Variants in PHLPP2 observed in about 807,000 individuals in gnomAD.
PHLPP2 encodes the protein PH domain leucine-rich repeat-containing protein phosphatase 2.
In PHLPP2, 66 loss-of-function variants were observed where a neutral mutation model predicts 124.9. The ratio of observed to expected loss-of-function variants is 0.53; its 90% confidence interval spans 0.43 to 0.65. The LOEUF is 0.65. Among genes scored for constraint, PHLPP2 ranks in the 30% least tolerant of loss-of-function variants. PHLPP2 has a pLI of 0.00. For missense variants in PHLPP2, 1,685 were observed against 1,600.4 expected (o/e 1.05, Z -0.90); for synonymous variants, 681 against 624.7 (o/e 1.09, Z -1.34).
chr16:71,676,790 G>T, intron 8 of PHLPP2, 141 bp from the exon 9 acceptor site: 1 of 637,020 alleles, frequency 1.6e-6, no homozygotes, highest in South Asian at 1.9e-5. Context: ...ACTGTGTTGC[G>T]CAGGCTGGAG....
intron 5 of PHLPP2, among the ~76,000 whole-genome samples, chr16:71,682,392 A>G (rs971427598): frequency 7.9e-5 from 12 of 152,070 alleles, no homozygotes; most frequent in Non-Finnish European, 1.8e-4. Flanking sequence ...CATGTTGGCC[A>G]GGCTGGTTTC....
At chr16:71,687,438 G>A (rs1015598816) in intron 4 of PHLPP2, among the ~76,000 whole-genome samples, 18 of 152,052 alleles carry the variant, frequency 1.2e-4, no homozygotes, top group Non-Finnish European at 2.6e-4. Context: ...CCTTCTAAGA[G>A]TAAGTTTTAA....
intron 2 of PHLPP2, among the ~76,000 whole-genome samples, chr16:71,703,545 G>T (rs1036972040): frequency 6.6e-6 from 1 of 151,530 alleles, no homozygotes; most frequent in Non-Finnish European, 1.5e-5. Context: ...TGATAGAAGG[G>T]GCTATAATAG....
At chr16:71,669,434 C>A in intron 10 of PHLPP2, 64 bp from the exon 11 acceptor site, 1 of 1,183,872 alleles carries the variant, frequency 8.4e-7, no homozygotes, top group South Asian at 1.2e-5. Context: ...TTTCAGTAGG[C>A]TATAATGTAT....
intron 3 of PHLPP2, chr16:71,698,567 G>C (rs915119341): frequency 3.1e-5 from 20 of 645,332 alleles, no homozygotes; most frequent in Admixed American, 1.8e-4. Context: ...CATCTGAAAG[G>C]CCTGTCTCTA....
At chr16:71,655,065 G>C (rs947821214) in intron 17 of PHLPP2, 175 bp downstream of exon 17, 3 of 551,638 alleles carry the variant, frequency 5.4e-6, no homozygotes, top group African/African-American at 3.7e-5. Flanking sequence ...ACAGGCTTTT[G>C]AAAGAGCCGA....
At chr16:71,662,793 T>C (rs1378472741) in intron 13 of PHLPP2, among the ~76,000 whole-genome samples, 3 of 151,660 alleles carry the variant, frequency 2.0e-5, no homozygotes, top group African/African-American at 7.3e-5. Context: ...GAGGCTGAGG[T>C]AGGAGAATCA....
chr16:71,687,207 T>C (rs1288496975), intron 4 of PHLPP2, among the ~76,000 whole-genome samples: 1 of 152,226 alleles, frequency 6.6e-6, no homozygotes, highest in Non-Finnish European at 1.5e-5. Flanking sequence ...TACCTGTATA[T>C]CTGCTTTGGT....
rs1432310092 is a variant in PHLPP2, at chr16:71,658,724, G to A, written c.2077C>T (p.Leu693=). Residue 693 remains leucine, a synonymous_variant, in exon 14 of 19, where the codon CTG becomes TTG. Transcript: ENST00000568954. ...TTGGAGTGTGCAACAAGGGTGTGCA[G>A]CCTTTTACAGTTTGCTATGGTTGTG... The part of the protein sequence containing the change: ...IPTTIANCKR[L]HTLVAHSNNI... The A allele has an allele frequency of 6.2e-7, 1 of 1,614,024 alleles. No individual in the cohort carries two copies. Among genetic ancestry groups the A allele is most frequent in the Non-Finnish European group, 8.5e-7 (1 of 1,180,010 alleles).
intron 9 of PHLPP2, among the ~76,000 whole-genome samples, chr16:71,675,369 T>A (rs1366164370): frequency 6.6e-6 from 1 of 152,218 alleles, no homozygotes; most frequent in Non-Finnish European, 1.5e-5. Context: ...TAAAGAACTT[T>A]CCATAAAAAG....
intron 3 of PHLPP2, among the ~76,000 whole-genome samples, chr16:71,695,890 G>T (rs1284863186): frequency 7.9e-5 from 12 of 151,926 alleles, no homozygotes; most frequent in Admixed American, 7.9e-4. Flanking sequence ...TAATCAAGTT[G>T]GAAAATTCTG....
intron 3 of PHLPP2, among the ~76,000 whole-genome samples, chr16:71,691,981 T>C (rs538319395): frequency 1.3e-5 from 2 of 151,422 alleles, no homozygotes; most frequent in South Asian, 2.1e-4. Flanking sequence ...CAACTAACTA[T>C]ACACAGAAAT....
intron 12 of PHLPP2, chr16:71,664,348 C>G: frequency 1.8e-6 from 1 of 547,508 alleles, no homozygotes; most frequent in South Asian, 2.2e-5. Flanking sequence ...TTCTGGAGTG[C>G]CTGATTCTAA....
chr16:71,656,965 G>A (rs2044747170), intron 15 of PHLPP2, among the ~76,000 whole-genome samples: 1 of 151,390 alleles, frequency 6.6e-6, no homozygotes, highest in Non-Finnish European at 1.5e-5. Flanking sequence ...ATTTTTTTGA[G>A]ACGATCTCCC....
chr16:71,669,851 C>T (rs2145325540), intron 10 of PHLPP2, among the ~76,000 whole-genome samples: 1 of 152,238 alleles, frequency 6.6e-6, no homozygotes, highest in East Asian at 1.9e-4. Context: ...AGAATGTGAG[C>T]TCAAATAATT....
At chr16:71,696,182 G>T (rs2045168206) in intron 3 of PHLPP2, among the ~76,000 whole-genome samples, 1 of 152,166 alleles carries the variant, frequency 6.6e-6, no homozygotes, top group Admixed American at 6.5e-5. Flanking sequence ...TAACAAAGAA[G>T]CTTTAAATAT....
At position 71,649,001 on chromosome 16, in the gene PHLPP2, C is replaced by T. The variant is rs1567610112; in HGVS notation, c.3861G>A (p.Leu1287=). ...PEDQFVVPHD[L]EEEVKEQMKQ... ...TCATTTGTTCCTTCACTTCTTCTTC[C>T]AGGTCATGAGGCACAACAAACTGGT... The change falls in exon 19 of 19, where the codon CTG becomes CTA. Residue 1287 remains leucine (L), a synonymous_variant. Transcript: ENST00000568954. The T allele has an allele frequency of 6.2e-7, 1 of 1,614,096 alleles. No individual in the cohort carries two copies. Among genetic ancestry groups the T allele is most frequent in the Middle Eastern group, 1.7e-4 (1 of 6,058 alleles).
intron 1 of PHLPP2, among the ~76,000 whole-genome samples, chr16:71,717,891 AG>A (rs2045373771): frequency 6.6e-6 from 1 of 152,164 alleles, no homozygotes; most frequent in South Asian, 2.1e-4. Context: ...GGAAGACTCC[AG>A]GAAGTTTTGT....
chr16:71,694,434 C>G (rs1469415113), intron 3 of PHLPP2, among the ~76,000 whole-genome samples: 3 of 152,072 alleles, frequency 2.0e-5, no homozygotes, highest in African/African-American at 7.2e-5. Flanking sequence ...GCACTCCTAC[C>G]TGGGCAACAG....
Sources: allele counts gnomAD v4.1 joint callset (sites outside exome capture counted in the v4.1 genomes callset), GRCh38; gene constraint gnomAD v4.1.1; transcripts MANE v1.5; gene names NCBI Gene and HGNC (gene_info 2026-07-23, HGNC 2026-07-21).